Variants in ASTN2 observed in about 807,000 individuals in gnomAD.
ASTN2 encodes the protein astrotactin 2.
A neutral mutation model predicts 139.8 loss-of-function variants in ASTN2; 54 were observed. The observed-to-expected ratio is 0.39, with a 90% CI of 0.31 to 0.48. ASTN2 has a LOEUF of 0.48. ASTN2 is among the 20% of genes least tolerant of loss of function. ASTN2 has a pLI of 0.95. For synonymous variants in ASTN2, 756 were observed against 719.5 expected (o/e 1.05, Z -0.81); for missense variants, 1,565 against 1,725.1 (o/e 0.91, Z 1.64).
chr9:116,670,842 T>A (rs2131986994), intron 16 of ASTN2, among the ~76,000 whole-genome samples: 1 of 152,282 alleles, frequency 6.6e-6, no homozygotes, highest in African/African-American at 2.4e-5. Context: ...TTATTATTAT[T>A]TCTGACCTTT....
intron 1 of ASTN2, among the ~76,000 whole-genome samples, chr9:117,336,971 A>T (rs1828906503): frequency 6.6e-6 from 1 of 152,248 alleles, no homozygotes; most frequent in African/African-American, 2.4e-5. Flanking sequence ...TTAGCTGTGT[A>T]TCTGTTTGCT....
At chr9:117,059,634 A>T (rs920261038) in intron 5 of ASTN2, among the ~76,000 whole-genome samples, 4 of 152,122 alleles carry the variant, frequency 2.6e-5, no homozygotes, top group African/African-American at 9.7e-5. Flanking sequence ...TATTAAAAAA[A>T]CAAACAAACA....
rs1306397698 is a variant in ASTN2 at position 117,120,018 on chromosome 9, G to GTGTATGTATATATATATA, written c.1168+21307_1168+21308insTATATATATATACATACA. 3.9e-4 allele frequency among the ~76,000 whole-genome samples: 18 copies of GTGTATGTATATATATATA among 45,998 alleles called. 1 individual carries two copies. Among genetic ancestry groups the GTGTATGTATATATATATA allele is most frequent in the Non-Finnish European group, 5.5e-4 (14 of 25,546 alleles). The allele number at this position is 45,998 out of a possible 152,430, so 30.2% of individuals were successfully genotyped here. A position where few individuals can be genotyped will look rare whatever the true frequency, so the allele number is the denominator to read the frequency against. On this transcript the variant is annotated intron_variant, in intron 4 of 22. Coordinates refer to ENST00000313400, the MANE Select transcript of ASTN2 (RefSeq NM_001365068.1). ...TGTGTGTGTGTGTGTGTGTGTGTGT[G>GTGTATGTATATATATATA]TATATATATATATATATATATATAT... is the stretch of plus-strand genomic sequence containing the variant.
chr9:116,484,450 G>T (rs79873666), intron 20 of ASTN2, among the ~76,000 whole-genome samples: 1 of 152,106 alleles, frequency 6.6e-6, no homozygotes, highest in African/African-American at 2.4e-5. Flanking sequence ...TTCTACTGCC[G>T]CACACAGTCT....
intron 1 of ASTN2, among the ~76,000 whole-genome samples, chr9:117,378,693 C>G (rs1340433876): frequency 6.6e-6 from 1 of 152,176 alleles, no homozygotes; most frequent in Non-Finnish European, 1.5e-5. Flanking sequence ...CCTCTGGAAA[C>G]CTTCTCCACA....
intron 19 of ASTN2, among the ~76,000 whole-genome samples, chr9:116,554,460 A>AAAGTGTG (rs1363515728): frequency 2.0e-5 from 3 of 152,228 alleles, no homozygotes; most frequent in African/African-American, 7.2e-5. Flanking sequence ...GGTATTTACG[A>AAAGTGTG]AAGTGTGGAA....
At chr9:117,008,733 T>C (rs1017761473) in intron 6 of ASTN2, among the ~76,000 whole-genome samples, 4 of 152,152 alleles carry the variant, frequency 2.6e-5, no homozygotes, top group Admixed American at 2.6e-4. Flanking sequence ...AAAGCTAATG[T>C]CCCTGTCACT....
At chr9:116,703,617 C>T (rs1160190681) in intron 16 of ASTN2, among the ~76,000 whole-genome samples, 2 of 151,432 alleles carry the variant, frequency 1.3e-5, no homozygotes, top group African/African-American at 4.9e-5. Flanking sequence ...GGGAGATATA[C>T]CTAATGCTAG....
chr9:116,623,678 C>T (rs540313810), intron 17 of ASTN2, among the ~76,000 whole-genome samples: 9 of 152,266 alleles, frequency 5.9e-5, no homozygotes, highest in African/African-American at 1.7e-4. Flanking sequence ...AACAACTTCA[C>T]GATGAAACTA....
chr9:117,100,127 C>G lies in ASTN2; in HGVS notation c.1169-3976G>C, dbSNP rs1015902657. 3.9e-5 allele frequency among the ~76,000 whole-genome samples: 6 copies of G among 152,320 alleles called. No individual in the cohort carries two copies. The East Asian group carries it at 9.7e-4, about 25-fold the overall frequency. On this transcript the variant is annotated intron_variant, in intron 4 of 22. Coordinates refer to ENST00000313400, the MANE Select transcript of ASTN2 (RefSeq NM_001365068.1). ...CCTGTTTTCTTGTAGGAACTCTAATCAGGCTTAGCAAGATCTTTGTGACTC... is the reference window on the plus strand; with the variant it reads ...CCTGTTTTCTTGTAGGAACTCTAATGAGGCTTAGCAAGATCTTTGTGACTC...
intron 6 of ASTN2, among the ~76,000 whole-genome samples, chr9:117,031,626 G>C (rs932890926): frequency 1.1e-4 from 17 of 152,214 alleles, no homozygotes; most frequent in African/African-American, 4.1e-4. Flanking sequence ...AAAAAAAGCA[G>C]GGCTCAAGGA....
In ASTN2 at chr9:116,469,084, G is replaced by A. The variant is rs536296850; in HGVS notation, c.3497+18275C>T. On this transcript the variant is annotated intron_variant, in intron 20 of 22. Transcript: ENST00000313400. ...GACCACATTTCATCGTGAGTTCCAT[G>A]GAAGCAGAGACAATGTCTCGTTCAT... is the stretch of plus-strand genomic sequence containing the variant. Among the ~76,000 whole-genome samples, 7 of 152,216 alleles carry A rather than the reference G, an allele frequency of 4.6e-5. No homozygotes were observed. The South Asian group carries it at 1.5e-3, about 32-fold the overall frequency.
chr9:116,868,145 C>T (rs1833066232), intron 10 of ASTN2, among the ~76,000 whole-genome samples: 1 of 152,210 alleles, frequency 6.6e-6, no homozygotes, highest in African/African-American at 2.4e-5. Flanking sequence ...AAACTACCAA[C>T]ATCCTCTTCA....
chr9:116,740,896 C>A (rs1437731793), intron 13 of ASTN2, among the ~76,000 whole-genome samples: 1 of 151,310 alleles, frequency 6.6e-6, no homozygotes, highest in Non-Finnish European at 1.5e-5. Flanking sequence ...GAGGGCCCAG[C>A]ACAGTGCCTT....
intron 5 of ASTN2, among the ~76,000 whole-genome samples, chr9:117,045,954 TTGTATGTA>T (rs10599716): frequency 4.8e-4 from 67 of 140,948 alleles, no homozygotes; most frequent in African/African-American, 1.5e-3. Flanking sequence ...GGCTGGGCTT[TTGTATGTA>T]TGTATGTATG....
At chr9:116,716,611 C>G (rs897617667) in intron 16 of ASTN2, among the ~76,000 whole-genome samples, 2 of 152,180 alleles carry the variant, frequency 1.3e-5, no homozygotes, top group Admixed American at 1.3e-4. Context: ...TCACTGCATT[C>G]TTTTCCACTG....
chr9:117,110,485 C>T (rs1405779289), intron 4 of ASTN2, among the ~76,000 whole-genome samples: 1 of 152,130 alleles, frequency 6.6e-6, no homozygotes, highest in Non-Finnish European at 1.5e-5. Flanking sequence ...AAAATACTTA[C>T]ATTTCAATAC....
At chr9:116,426,889 C>T (rs781042791) in intron 22 of ASTN2, among the ~76,000 whole-genome samples, 1 of 152,148 alleles carries the variant, frequency 6.6e-6, no homozygotes, top group Non-Finnish European at 1.5e-5. Context: ...GAGTAAGCTT[C>T]CAATAAATGA....
intron 13 of ASTN2, among the ~76,000 whole-genome samples, chr9:116,782,491 A>G (rs569943335): frequency 5.6e-4 from 85 of 152,322 alleles, no homozygotes; most frequent in African/African-American, 1.9e-3. Context: ...CTAAGAGTGC[A>G]TGTTTTATAA....
Sources: allele counts gnomAD v4.1 joint callset (sites outside exome capture counted in the v4.1 genomes callset), GRCh38; gene constraint gnomAD v4.1.1; transcripts MANE v1.5; gene names NCBI Gene and HGNC (gene_info 2026-07-23, HGNC 2026-07-21).